Variants in RBFOX1 observed in about 807,000 individuals in gnomAD.
The protein encoded by RBFOX1 is RNA binding fox-1 homolog 1, also known as RNA binding protein fox-1 homolog 1.
In RBFOX1, 8 loss-of-function variants were observed where a neutral mutation model predicts 57.7. The observed-to-expected ratio is 0.14, with a 90% CI of 0.08 to 0.25. The LOEUF (loss-of-function observed/expected upper bound fraction) is 0.25, where lower values mean the gene tolerates loss of function less well. Among genes scored for constraint, RBFOX1 ranks in the 10% least tolerant of loss-of-function variants. The pLI, the probability that RBFOX1 is intolerant of heterozygous loss-of-function variation, is 1.00. For synonymous variants in RBFOX1, 326 were observed against 222.4 expected, an observed-to-expected ratio of 1.47 and a Z score of -4.15; for missense variants, 611 against 548.5, an observed-to-expected ratio of 1.11 and a Z score of -1.14.
intron 3 of RBFOX1, among the ~76,000 whole-genome samples, chr16:6,808,743 C>G (rs753866860): frequency 6.6e-6 from 1 of 152,154 alleles, no homozygotes; most frequent in African/African-American, 2.4e-5. Flanking sequence ...TCTCCACAGA[C>G]AAATACCTGG....
intron 1 of RBFOX1, chr16:6,038,896 C>T (rs2095404714): frequency 6.7e-6 from 1 of 148,488 alleles, no homozygotes; most frequent in African/African-American, 2.5e-5. Context: ...TTCTATTGGA[C>T]TCATGCCAAG....
At chr16:7,421,612 A>AG in intron 4 of RBFOX1, among the ~76,000 whole-genome samples, 1 of 152,346 alleles carries the variant, frequency 6.6e-6, no homozygotes, top group African/African-American at 2.4e-5. Context: ...AAGACTGCCG[A>AG]GGCCCCCAGT....
At chr16:5,277,502 A>T (rs543553972) in intron 1 of RBFOX1, among the ~76,000 whole-genome samples, 25 of 152,178 alleles carry the variant, frequency 1.6e-4, no homozygotes, top group Non-Finnish European at 3.1e-4. Flanking sequence ...ATGATATTAA[A>T]CACTAGATCT....
intron 3 of RBFOX1, among the ~76,000 whole-genome samples, chr16:6,747,507 A>G (rs1336746903): frequency 6.6e-6 from 1 of 151,578 alleles, no homozygotes; most frequent in African/African-American, 2.4e-5. Flanking sequence ...TTACTGGTTT[A>G]CTTGTTGTCA....
At chr16:5,483,256 A>C (rs978348987) in intron 2 of RBFOX1, among the ~76,000 whole-genome samples, 5 of 152,208 alleles carry the variant, frequency 3.3e-5, no homozygotes, top group Non-Finnish European at 5.9e-5. Context: ...ACCAGTAGCA[A>C]GGATGGCAGA....
intron 4 of RBFOX1, among the ~76,000 whole-genome samples, chr16:7,237,071 C>T (rs574894863): frequency 3.9e-4 from 59 of 152,238 alleles, no homozygotes; most frequent in African/African-American, 1.3e-3. Context: ...AGGTAGAGAG[C>T]TGTGTGGGGT....
intron 4 of RBFOX1, chr16:7,304,237 AG>A (rs2096114803): frequency 1.0e-6 from 1 of 981,986 alleles, no homozygotes; most frequent in African/African-American, 1.8e-5. Context: ...AGAGAGAGAG[AG>A]AGAGAGAGAC....
rs530976496 is a variant in RBFOX1 at position 6,702,737 on chromosome 16, T to G, written c.-16+48087T>G. 2.0e-5 allele frequency among the ~76,000 whole-genome samples: 3 copies of G among 152,326 alleles called. No individual in the cohort carries two copies. In the South Asian group the frequency reaches 6.2e-4, roughly 32 times the overall value. On this transcript the variant is annotated intron_variant, in intron 3 of 15. Transcript: ENST00000550418. ...TCTGGTTTTTGTTTTAGTCTTTAGATTTTTTAAATTATTTTTTTGTTATGG... is the reference window on the plus strand; with the variant it reads ...TCTGGTTTTTGTTTTAGTCTTTAGAGTTTTTAAATTATTTTTTTGTTATGG...
intron 1 of RBFOX1, among the ~76,000 whole-genome samples, chr16:5,338,314 C>T (rs75207213): frequency 0.017 from 2,624 of 152,262 alleles, 43 homozygotes; most frequent in Middle Eastern, 0.058. Context: ...CAGATTCTCT[C>T]TCCTGGGACT....
intron 4 of RBFOX1, among the ~76,000 whole-genome samples, chr16:5,905,960 C>T (rs1397603338): frequency 1.3e-5 from 2 of 152,290 alleles, no homozygotes; most frequent in South Asian, 4.1e-4. Flanking sequence ...ATTGGCTGCC[C>T]AAAGCCCTAC....
chr16:6,435,738 A>C (rs953730517), intron 2 of RBFOX1, among the ~76,000 whole-genome samples: 2 of 152,180 alleles, frequency 1.3e-5, no homozygotes, highest in African/African-American at 4.8e-5. Context: ...AATGTTTGCA[A>C]GATTTTATGG....
intron 2 of RBFOX1, among the ~76,000 whole-genome samples, chr16:6,554,967 T>A (rs573682522): frequency 1.3e-5 from 2 of 152,246 alleles, no homozygotes; most frequent in South Asian, 4.1e-4. Flanking sequence ...CCTGAGTACA[T>A]CCAGGTTCTT....
intron 2 of RBFOX1, among the ~76,000 whole-genome samples, chr16:6,364,015 G>A (rs771948102): frequency 3.9e-5 from 6 of 152,298 alleles, no homozygotes; most frequent in South Asian, 2.1e-4. Context: ...AGGCTTCTCC[G>A]TGTTTTCAAT....
chr16:6,795,474 A>G (rs866053856), intron 3 of RBFOX1, among the ~76,000 whole-genome samples: 25 of 152,268 alleles, frequency 1.6e-4, no homozygotes, highest in South Asian at 4.1e-4. Context: ...ATGCTTAAAG[A>G]GAGACATTGT....
intron 3 of RBFOX1, among the ~76,000 whole-genome samples, chr16:6,793,596 C>G (rs1428199488): frequency 2.0e-5 from 3 of 152,148 alleles, no homozygotes; most frequent in Admixed American, 2.0e-4. Flanking sequence ...ATGACTCATT[C>G]TTCACAAGAG....
intron 4 of RBFOX1, among the ~76,000 whole-genome samples, chr16:7,177,973 A>T (rs886998323): frequency 6.6e-6 from 1 of 152,180 alleles, no homozygotes; most frequent in Non-Finnish European, 1.5e-5. Context: ...CAACATGCTC[A>T]CGCTCTGGTT....
chr16:7,147,284 C>T (rs1257756984), intron 4 of RBFOX1, among the ~76,000 whole-genome samples: 1 of 148,942 alleles, frequency 6.7e-6, no homozygotes, highest in Non-Finnish European at 1.5e-5. Context: ...GGATTACAGG[C>T]ATGAGCCACC....
At chr16:6,424,605 C>CTGTGTGTGTGTGCGCGTG (rs1555466630) in intron 2 of RBFOX1, among the ~76,000 whole-genome samples, 1 of 14,270 alleles carries the variant, frequency 7.0e-5, no homozygotes, top group South Asian at 2.9e-3. Flanking sequence ...CTTAAGAGCA[C>CTGTGTGTGTGTGCGCGTG]TGTGTGTGTG....
chr16:6,600,441 G>A (rs893577271), intron 2 of RBFOX1, among the ~76,000 whole-genome samples: 1 of 152,146 alleles, frequency 6.6e-6, no homozygotes, highest in Non-Finnish European at 1.5e-5. Flanking sequence ...GCACACTCGT[G>A]TTCATAGAGG....
Sources: gnomAD v4.1 joint callset for allele counts (sites outside exome capture counted in the v4.1 genomes callset) on GRCh38, gnomAD v4.1.1 for gene constraint, MANE v1.5 for transcripts, NCBI Gene and HGNC (gene_info 2026-07-23, HGNC 2026-07-21) for gene names.